Variants in KCNH5 observed in about 807,000 individuals in gnomAD.
KCNH5 encodes the protein potassium voltage-gated channel subfamily H member 5.
KCNH5 carries 46 observed loss-of-function variants against 96.1 expected under a neutral mutation model. That is an observed-to-expected ratio of 0.48 (90% confidence interval 0.38 to 0.61). The LOEUF (loss-of-function observed/expected upper bound fraction) is 0.61. Ranked by LOEUF, KCNH5 falls within the 20% of genes least tolerant of loss-of-function variation. The probability of loss-of-function intolerance (pLI) is 0.00; values close to 1 mark genes in which losing one functional copy is unlikely to be tolerated. For missense variants in KCNH5, 907 were observed against 1,225.8 expected (o/e 0.74, Z 3.88); for synonymous variants, 439 against 449.8 (o/e 0.98, Z 0.30).
intron 8 of KCNH5, among the ~76,000 whole-genome samples, chr14:62,821,886 T>C (rs1887120811): frequency 6.6e-6 from 1 of 152,066 alleles, no homozygotes; most frequent in Non-Finnish European, 1.5e-5. Flanking sequence ...AGCAAATTGA[T>C]AAAAATGTTC....
chr14:62,871,830 T>C (rs1888261272), intron 7 of KCNH5, among the ~76,000 whole-genome samples: 1 of 152,182 alleles, frequency 6.6e-6, no homozygotes, highest in South Asian at 2.1e-4. Flanking sequence ...TGGCTCTGCC[T>C]ACATATCTCA....
chr14:62,886,281 G>A (rs897073506), intron 7 of KCNH5, among the ~76,000 whole-genome samples: 3 of 152,170 alleles, frequency 2.0e-5, no homozygotes, highest in Admixed American at 1.3e-4. Context: ...AGATAAGCAC[G>A]AAGCAATTCG....
At chr14:62,826,408 A>ATGTGTGTGTGTGTGTG (rs71451280) in intron 8 of KCNH5, among the ~76,000 whole-genome samples, 61 of 142,074 alleles carry the variant, frequency 4.3e-4, no homozygotes, top group African/African-American at 1.3e-3. Context: ...GCGTGCGTGC[A>ATGTGTGTGTGTGTGTG]TGTGTGTGTG....
intron 6 of KCNH5, among the ~76,000 whole-genome samples, chr14:62,970,718 T>G (rs1389281093): frequency 2.0e-5 from 3 of 152,110 alleles, no homozygotes; most frequent in Admixed American, 6.5e-5. Flanking sequence ...GTTAATGTAA[T>G]CCATAACATC....
At chr14:62,726,922 T>C (rs534086013) in intron 10 of KCNH5, among the ~76,000 whole-genome samples, 4 of 152,266 alleles carry the variant, frequency 2.6e-5, no homozygotes, top group South Asian at 2.1e-4. Flanking sequence ...ACAATGAAAA[T>C]TGTTGAACCA....
intron 8 of KCNH5, among the ~76,000 whole-genome samples, chr14:62,837,735 T>C (rs538992940): frequency 6.6e-6 from 1 of 152,344 alleles, no homozygotes; most frequent in African/African-American, 2.4e-5. Context: ...TACTGTCTTC[T>C]ATGATTTATC....
At chr14:62,732,095 ATCAATTAG>A (rs1472626962) in intron 10 of KCNH5, among the ~76,000 whole-genome samples, 1 of 152,100 alleles carries the variant, frequency 6.6e-6, no homozygotes, top group Non-Finnish European at 1.5e-5. Context: ...CAGTGACTGT[ATCAATTAG>A]TCAAAACTCT....
At position 62,950,180 on chromosome 14, in the gene KCNH5, G is replaced by C. The variant is rs189501067; in HGVS notation, c.1322C>G (p.Thr441Ser). Reference sequence around the variant, plus strand: ...CGAAAACATCTTCTCCACATCTGTGGTAGGAGCTATGTTTCCAAATCCTAT... The same window carrying C: ...CGAAAACATCTTCTCCACATCTGTGCTAGGAGCTATGTTTCCAAATCCTAT... ...TTIGFGNIAP[T>S]TDVEKMFSVA... The change falls in exon 7 of 11, where the codon ACC becomes AGC. Residue 441 changes from threonine to serine, a missense_variant. By Grantham distance (58) the Thr-to-Ser change is moderately conservative. This residue lies in a region of KCNH5 where 370 missense variants were observed against 561.3 expected (regional missense o/e 0.66). Transcript: ENST00000322893. 6.2e-7 allele frequency: 1 copy of C among 1,613,894 alleles called. No individual in the cohort carries two copies. Among genetic ancestry groups the C allele is most frequent in the African/African-American group, 1.3e-5 (1 of 74,996 alleles).
chr14:62,713,035 T>C (rs529730954), intron 10 of KCNH5, among the ~76,000 whole-genome samples: 306 of 152,328 alleles, frequency 2.0e-3, no homozygotes, highest in Non-Finnish European at 2.7e-3. Flanking sequence ...CACTTACACC[T>C]AAATCATTTG....
intron 7 of KCNH5, among the ~76,000 whole-genome samples, chr14:62,861,593 A>G (rs960415363): frequency 2.0e-5 from 3 of 150,924 alleles, no homozygotes; most frequent in Non-Finnish European, 4.4e-5. Flanking sequence ...TTTTTTTCCT[A>G]TGTTAAGTTA....
Position 62,910,941 on chromosome 14 carries a change from A to ACACAC in KCNH5, c.1369+39191_1369+39192insGTGTG, listed in dbSNP as rs61033705. Among the ~76,000 whole-genome samples the ACACAC allele has an allele frequency of 9.0e-3, 1,267 of 140,804 alleles. 8 individuals carry two copies. The highest frequency in any genetic ancestry group is 0.023 in the African/African-American group (884 of 37,664). The allele number at this position is 140,804 out of a possible 152,430, so 92.4% of individuals were successfully genotyped here. ...CACACACACACACACACACACACAC[A>ACACAC]CCCCTCTGTTGTTCTGTCATCCTAT... On this transcript the variant is annotated intron_variant, in intron 7 of 10. Coordinates refer to ENST00000322893, the MANE Select transcript of KCNH5 (RefSeq NM_139318.5).
intron 10 of KCNH5, among the ~76,000 whole-genome samples, chr14:62,766,753 G>C (rs1037750953): frequency 8.6e-5 from 13 of 152,018 alleles, no homozygotes; most frequent in African/African-American, 2.9e-4. Flanking sequence ...AAAGAAATAA[G>C]ACCTAGTATT....
intron 8 of KCNH5, among the ~76,000 whole-genome samples, chr14:62,817,758 T>A (rs12433866): frequency 0.29 from 41,872 of 145,398 alleles, 7,316 homozygotes; most frequent in South Asian, 0.54. Context: ...AGGAATATAT[T>A]ATATTCCTAT....
chr14:62,766,379 A>C, intron 10 of KCNH5, among the ~76,000 whole-genome samples: 1 of 152,290 alleles, frequency 6.6e-6, no homozygotes, highest in Non-Finnish European at 1.5e-5. Context: ...TTGCACTCCT[A>C]TGTTTTTTGC....
chr14:62,805,167 T>C (rs546968721), intron 8 of KCNH5, among the ~76,000 whole-genome samples: 3 of 152,292 alleles, frequency 2.0e-5, no homozygotes, highest in South Asian at 4.1e-4. Flanking sequence ...ATTTACCACA[T>C]AGGACTTTCA....
intron 9 of KCNH5, among the ~76,000 whole-genome samples, chr14:62,801,378 A>T (rs1305823679): frequency 7.7e-5 from 2 of 26,002 alleles, no homozygotes; most frequent in Non-Finnish European, 1.8e-4. Context: ...TTACCTGGTA[A>T]AAAAAAAAAA....
chr14:62,926,217 T>A (rs1889473317), intron 7 of KCNH5, among the ~76,000 whole-genome samples: 1 of 152,134 alleles, frequency 6.6e-6, no homozygotes, highest in Non-Finnish European at 1.5e-5. Flanking sequence ...AGTGCTAAGA[T>A]ATTTGATAAG....
chr14:62,718,899 A>G (rs1482619611), intron 10 of KCNH5, among the ~76,000 whole-genome samples: 1 of 152,214 alleles, frequency 6.6e-6, no homozygotes, highest in African/African-American at 2.4e-5. Flanking sequence ...ATAGACACAT[A>G]ATGCAATGTA....
chr14:63,012,150 C>T (rs1201658951), intron 2 of KCNH5, among the ~76,000 whole-genome samples: 1 of 152,196 alleles, frequency 6.6e-6, no homozygotes, highest in Non-Finnish European at 1.5e-5. Flanking sequence ...AGAGCTTCTA[C>T]AGGTCATGAG....
Sources: allele counts gnomAD v4.1 joint callset (sites outside exome capture counted in the v4.1 genomes callset), GRCh38; gene constraint gnomAD v4.1.1; regional missense constraint gnomAD v4.1.1; transcripts MANE v1.5; gene names NCBI Gene and HGNC (gene_info 2026-07-23, HGNC 2026-07-21).